The following PRKCG variants were observed in gnomAD, a reference collection of about 807,000 sequenced individuals.
PRKCG encodes the protein protein kinase C gamma type.
In PRKCG, 28 loss-of-function variants were observed where a neutral mutation model predicts 82.0. The ratio of observed to expected loss-of-function variants is 0.34; its 90% CI spans 0.25 to 0.47. PRKCG has a LOEUF of 0.47. Among genes scored for constraint, PRKCG ranks in the 20% least tolerant of loss-of-function variants. The pLI is 1.00. For synonymous variants in PRKCG, 383 were observed against 376.6 expected (o/e 1.02, Z -0.20); for missense variants, 640 against 952.7 (o/e 0.67, Z 4.32).
At chr19:53,885,697 C>CAG (rs370728603) in intron 3 of PRKCG, among the ~76,000 whole-genome samples, 1 of 151,736 alleles carries the variant, frequency 6.6e-6, no homozygotes, top group African/African-American at 2.4e-5. Context: ...GAGAGAGAGG[C>CAG]AGAGAGAGAG....
rs767582574 is a variant in PRKCG at position 53,884,156 on chromosome 19, T to C, written c.203-5T>C. On this transcript the variant is annotated splice_polypyrimidine_tract_variant and splice_region_variant and intron_variant, in intron 2 of 17. Coordinates refer to ENST00000263431, the MANE Select transcript of PRKCG (RefSeq NM_002739.5). This position sits in a 1 kb window ranked among gnomAD's most constrained non-coding sequence, Gnocchi z 4.6. ...CGTCTGTGTCTCTATGATTTTCATCTATAGTCTGCAGCTTTGTGGTTCATC... is the reference window on the plus strand; with the variant it reads ...CGTCTGTGTCTCTATGATTTTCATCCATAGTCTGCAGCTTTGTGGTTCATC... The C allele has an allele frequency of 6.2e-7, 1 of 1,613,920 alleles. No homozygotes were observed. Among genetic ancestry groups the C allele is most frequent in the East Asian group, 2.2e-5 (1 of 44,882 alleles).
chr19:53,890,728 C>G (rs2068668736), intron 5 of PRKCG, among the ~76,000 whole-genome samples: 1 of 150,622 alleles, frequency 6.6e-6, no homozygotes, highest in African/African-American at 2.5e-5. Context: ...ATTACAGGCG[C>G]CTGCCACCAC....
rs1196010835 is a variant in PRKCG at position 53,900,653 on chromosome 19, C to T, written c.1479C>T (p.His493=). The T allele has an allele frequency of 1.2e-6, 2 of 1,614,132 alleles. No individual in the cohort carries two copies. Among genetic ancestry groups the T allele is most frequent in the African/African-American group, 2.7e-5 (2 of 74,942 alleles). Residue 493 remains histidine, a synonymous_variant, in exon 14 of 18, where the codon CAC becomes CAT. Transcript: ENST00000263431. This position sits in a 1 kb window ranked among gnomAD's most constrained non-coding sequence, Gnocchi z 4.2. ...LDNVMLDAEG[H]IKITDFGMCK... ...ATGTGATGCTGGATGCTGAGGGACA[C>T]ATCAAGATCACTGACTTTGGCATGT...
Position 53,889,511 on chromosome 19 carries a change from T to C in PRKCG, c.286-127T>C, listed in dbSNP as rs188391231. 1.2e-4 allele frequency: 88 copies of C among 717,824 alleles called. No individual in the cohort carries two copies. The African/African-American group carries it at 1.5e-3, about 12-fold the overall frequency. The allele number at this position is 717,824 out of a possible 1,614,324, so 44.5% of individuals were successfully genotyped here. A position where few individuals can be genotyped will look rare whatever the true frequency, so the allele number is the denominator to read the frequency against. On this transcript the variant is annotated intron_variant, in intron 3 of 17. Transcript: ENST00000263431. This position sits in a 1 kb window ranked among gnomAD's most constrained non-coding sequence, Gnocchi z 4.4. Reference sequence around the variant, plus strand: ...CAGGTGCTCAATGATTATTGGTACATAGAGTGAAAGAGATGGAGCCTCAGG... The same window carrying C: ...CAGGTGCTCAATGATTATTGGTACACAGAGTGAAAGAGATGGAGCCTCAGG...
chr19:53,885,763 A>C (rs1369686882), intron 3 of PRKCG, among the ~76,000 whole-genome samples: 1 of 152,052 alleles, frequency 6.6e-6, no homozygotes, highest in African/African-American at 2.4e-5. Flanking sequence ...AAATAACAGA[A>C]GTCTACATAG....
intron 17 of PRKCG, 107 bp downstream of exon 17, chr19:53,906,564 C>A: frequency 6.4e-7 from 1 of 1,560,516 alleles, no homozygotes; most frequent in East Asian, 2.3e-5. Context: ...CAGAGCCCCC[C>A]GCCCCCAACA....
rs2068690796 is a variant in PRKCG, at chr19:53,892,981, A to G, written c.822-7A>G. On this transcript the variant is annotated splice_region_variant and splice_polypyrimidine_tract_variant and intron_variant, in intron 7 of 17. Transcript: ENST00000263431. This position sits in a 1 kb window ranked among gnomAD's most constrained non-coding sequence, Gnocchi z 5.9. ...CTGCCCGCCTCTGGTCTCCGTCTGT[A>G]TGTCAGGTACAAGTTACTGAACCAG... is the stretch of plus-strand genomic sequence containing the variant. 6.2e-7 allele frequency: 1 copy of G among 1,613,436 alleles called. No individual in the cohort carries two copies. The highest frequency in any genetic ancestry group is 1.7e-4 in the Middle Eastern group (1 of 6,060).
chr19:53,885,730 C>T (rs557255488), intron 3 of PRKCG, among the ~76,000 whole-genome samples: 10 of 152,030 alleles, frequency 6.6e-5, no homozygotes, highest in Admixed American at 2.0e-4. Context: ...GTCCATGAGG[C>T]GTTTTACCAC....
upstream of PRKCG, chr19:53,882,096 G>A (rs1473973324): frequency 1.1e-5 from 3 of 283,026 alleles, no homozygotes; most frequent in African/African-American, 4.7e-5. The surrounding 1 kb of genome is among the most constrained non-coding windows in gnomAD (Gnocchi z 6.1). Flanking sequence ...GGGGCGGGGA[G>A]GGAGGACATT....
chr19:53,889,788 C>G lies in PRKCG; in HGVS notation c.397+39C>G. 2 of 1,603,338 alleles carry G rather than the reference C, an allele frequency of 1.2e-6. No individual in the cohort carries two copies. Among genetic ancestry groups the G allele is most frequent in the Non-Finnish European group, 1.7e-6 (2 of 1,175,116 alleles). On this transcript the variant is annotated intron_variant, in intron 4 of 17. Transcript: ENST00000263431. This position sits in a 1 kb window ranked among gnomAD's most constrained non-coding sequence, Gnocchi z 4.4. ...GCCTTGCCAGGGCCCTTCCAAAGCGCCCGGTCTGGGTTCCGGGAAATGCCC... is the reference window on the plus strand; with the variant it reads ...GCCTTGCCAGGGCCCTTCCAAAGCGGCCGGTCTGGGTTCCGGGAAATGCCC...
chr19:53,906,978 C>G lies in PRKCG; in HGVS notation c.*83C>G. 6.3e-7 allele frequency: 1 copy of G among 1,593,534 alleles called. No homozygotes were observed. Among genetic ancestry groups the G allele is most frequent in the Non-Finnish European group, 8.5e-7 (1 of 1,170,830 alleles). ...CCACTTCACCCCCAACTTCACCACC[C>G]CCTGTCCCATTCTAGATCCTGCACC... On this transcript the variant is annotated 3_prime_UTR_variant, in exon 18 of 18. Coordinates refer to ENST00000263431, the MANE Select transcript of PRKCG (RefSeq NM_002739.5).
chr19:53,882,251 G>A lies in PRKCG; in HGVS notation c.-244G>A, dbSNP rs2122972050. On this transcript the variant is annotated 5_prime_UTR_variant, in exon 1 of 18. Transcript: ENST00000263431. This position sits in a 1 kb window ranked among gnomAD's most constrained non-coding sequence, Gnocchi z 6.1. ...CCCACCGCCGCCGCCCGTGCCTCCG[G>A]CTGCCGGCGCCCCTGCCTTTGGCTC... 3.6e-6 allele frequency: 2 copies of A among 561,064 alleles called. No individual in the cohort carries two copies. The highest frequency in any genetic ancestry group is 2.0e-5 in the African/African-American group (1 of 49,864). 34.8% of individuals were successfully genotyped at this position (561,064 alleles called of 1,614,324 possible). A position where few individuals can be genotyped will look rare whatever the true frequency, so the allele number is the denominator to read the frequency against.
Position 53,883,845 on chromosome 19 carries a change from G to T in PRKCG, c.203-316G>T, listed in dbSNP as rs1324539153. 6.6e-6 allele frequency among the ~76,000 whole-genome samples: 1 copy of T among 152,198 alleles called. No homozygotes were observed. The highest frequency in any genetic ancestry group is 1.5e-5 in the Non-Finnish European group (1 of 68,040). On this transcript the variant is annotated intron_variant, in intron 2 of 17. Transcript: ENST00000263431. This position sits in a 1 kb window ranked among gnomAD's most constrained non-coding sequence, Gnocchi z 5.4. The stretch of plus-strand genomic sequence containing the variant: ...CTTTCTGATCTCCGTCCGTGGGCCT[G>T]TGTCTGTTTGTCAATGGGATCCTAT...
intron 14 of PRKCG, among the ~76,000 whole-genome samples, chr19:53,902,594 C>T (rs2123021351): frequency 6.6e-6 from 1 of 151,746 alleles, no homozygotes; most frequent in Non-Finnish European, 1.5e-5. Flanking sequence ...AGATCGCTGG[C>T]CAAAATATTC....
Position 53,906,835 on chromosome 19 carries a change from C to T in PRKCG, c.2034C>T (p.Pro678=), listed in dbSNP as rs1208509784. 1.2e-6 allele frequency: 2 copies of T among 1,613,628 alleles called. No individual in the cohort carries two copies. The highest frequency in any genetic ancestry group is 2.2e-5 in the East Asian group (1 of 44,864). ...TCCAGGGCTTCACCTACGTGAACCC[C>T]GACTTCGTGCACCCGGATGCCCGCA... ...ADFQGFTYVN[P]DFVHPDARSP... is the part of the protein sequence containing the mutation. Residue 678 remains proline, a synonymous_variant, in exon 18 of 18, where the codon CCC becomes CCT. Transcript: ENST00000263431.
chr19:53,896,157 A>C (rs2068716487), intron 9 of PRKCG, among the ~76,000 whole-genome samples: 1 of 151,952 alleles, frequency 6.6e-6, no homozygotes, highest in Admixed American at 6.6e-5. Context: ...TGAGATCAGC[A>C]GGGATGATCC....
intron 11 of PRKCG, among the ~76,000 whole-genome samples, 160 bp downstream of exon 11, chr19:53,898,788 G>GGGC (rs2068737978): frequency 7.5e-6 from 1 of 132,656 alleles, no homozygotes; most frequent in African/African-American, 3.0e-5. Context: ...TGGCCGGGGG[G>GGGC]GGGTCCTTGG....
chr19:53,889,866 C>G lies in PRKCG; in HGVS notation c.398-20C>G. ...CTTGGGGGCGGGGCCTGAGGTGCTACCCGCAGCTTTCCCCTCCAGGCTGCG... is the reference window on the plus strand; with the variant it reads ...CTTGGGGGCGGGGCCTGAGGTGCTAGCCGCAGCTTTCCCCTCCAGGCTGCG... On this transcript the variant is annotated intron_variant, in intron 4 of 17. Transcript: ENST00000263431. The surrounding 1 kb of genome is among the most constrained non-coding windows in gnomAD (Gnocchi z 4.4). 1.3e-6 allele frequency: 2 copies of G among 1,575,588 alleles called. No homozygotes were observed. Among genetic ancestry groups the G allele is most frequent in the Non-Finnish European group, 1.7e-6 (2 of 1,161,210 alleles).
Position 53,891,716 on chromosome 19 carries a change from T to G in PRKCG, c.572T>G (p.Leu191Arg). 1 of 1,614,098 alleles carries G rather than the reference T, an allele frequency of 6.2e-7. No homozygotes were observed. The highest frequency in any genetic ancestry group is 2.2e-5 in the East Asian group (1 of 44,878). The change falls in exon 6 of 18, where the codon CTC becomes CGC. Residue 191 changes from leucine (L) to arginine (R), a missense_variant. Physicochemically the swap from Leu to Arg is moderately radical, Grantham distance 102 (BLOSUM62 -2). Transcript: ENST00000263431. ...RNLIPMDPNG[L>R]SDPYVKLKLI... is the part of the protein sequence containing the mutation. ...CTAATTCCTATGGACCCCAATGGTC[T>G]CTCTGATCCCTATGTGAAACTGAAG...
Sources: allele counts gnomAD v4.1 joint callset (sites outside exome capture counted in the v4.1 genomes callset), GRCh38; gene constraint gnomAD v4.1.1; non-coding constraint Gnocchi (gnomAD v3.1); transcripts MANE v1.5; gene names NCBI Gene and HGNC (gene_info 2026-07-23, HGNC 2026-07-21).